PFDN1: variants seen among roughly 807,000 people sequenced by gnomAD.
The protein encoded by PFDN1 is prefoldin 1.
A neutral mutation model predicts 17.3 loss-of-function variants in PFDN1; 6 were observed. That is an observed-to-expected ratio of 0.35 (90% CI 0.19 to 0.69). The LOEUF is 0.69. Among genes scored for constraint, PFDN1 ranks in the 30% least tolerant of loss-of-function variants. The pLI is 0.65. For missense variants in PFDN1, 113 were observed against 146.2 expected, an observed-to-expected ratio of 0.77 and a Z score of 1.17; for synonymous variants, 58 against 50.1, an observed-to-expected ratio of 1.16 and a Z score of -0.67.
At chr5:140,263,335 T>G (rs1157293128) in intron 3 of PFDN1, among the ~76,000 whole-genome samples, 1 of 152,216 alleles carries the variant, frequency 6.6e-6, no homozygotes, top group African/African-American at 2.4e-5. Flanking sequence ...TCTATCTGTA[T>G]GCCTAAATCT....
intron 3 of PFDN1, among the ~76,000 whole-genome samples, chr5:140,273,244 C>CAA (rs1204221243): frequency 2.4e-4 from 16 of 67,230 alleles, no homozygotes; most frequent in Admixed American, 6.7e-4. Context: ...GACTCCATCT[C>CAA]AAAAAAAAAA....
Position 140,246,044 on chromosome 5 carries a change from T to A in PFDN1, c.299A>T (p.Tyr100Phe), listed in dbSNP as rs1489951435. 6.4e-7 allele frequency: 1 copy of A among 1,558,016 alleles called. No homozygotes were observed. The highest frequency in any genetic ancestry group is 1.4e-5 in the African/African-American group (1 of 73,596). ...AGCTTCCTTAACGCTTCGCTCCAGG[T>A]AGGACTTTTTCTGCTGCAATATGAG... Reference protein sequence around the residue: ...KIKELEQKKSYLERSVKEAED... With the variant: ...KIKELEQKKSFLERSVKEAED... Residue 100 changes from tyrosine to phenylalanine, a missense_variant, in exon 4 of 4, where the codon TAC (tyrosine) becomes TTC (phenylalanine). Physicochemically the swap from Tyr to Phe is conservative, Grantham distance 22. Transcript: ENST00000261813.
At chr5:140,279,585 T>TC (rs920549685) in intron 3 of PFDN1, among the ~76,000 whole-genome samples, 1 of 151,860 alleles carries the variant, frequency 6.6e-6, no homozygotes. Context: ...CGCTTCAGCC[T>TC]CCCGTAGCTG....
intron 2 of PFDN1, among the ~76,000 whole-genome samples, chr5:140,297,855 T>C (rs1581100074): frequency 6.6e-6 from 1 of 152,012 alleles, no homozygotes; most frequent in East Asian, 1.9e-4. Flanking sequence ...CCAAAGGGAG[T>C]AAAACGTTTT....
At chr5:140,301,538 A>G (rs1291765455) in intron 1 of PFDN1, among the ~76,000 whole-genome samples, 2 of 152,194 alleles carry the variant, frequency 1.3e-5, no homozygotes, top group African/African-American at 4.8e-5. Context: ...TAAGGTTTTG[A>G]AAGATTTACT....
chr5:140,263,214 G>C (rs950825647), intron 3 of PFDN1, among the ~76,000 whole-genome samples: 1 of 152,222 alleles, frequency 6.6e-6, no homozygotes, highest in Non-Finnish European at 1.5e-5. Context: ...TCTGCCAGAA[G>C]CTGCTTGCTT....
chr5:140,246,631 A>G (rs1450713903), intron 3 of PFDN1, among the ~76,000 whole-genome samples: 3 of 152,206 alleles, frequency 2.0e-5, no homozygotes, highest in Non-Finnish European at 4.4e-5. Context: ...TGGGACACTA[A>G]AACACTGAGG....
rs1365983057 is a variant in PFDN1, at chr5:140,281,527, A to T, written c.207T>A (p.Ile69=). The T allele has an allele frequency of 1.9e-6, 3 of 1,558,590 alleles. No individual in the cohort carries two copies. Among genetic ancestry groups the T allele is most frequent in the Non-Finnish European group, 2.7e-6 (3 of 1,130,738 alleles). ...TGTGAATTGCTTCCTTGGACTGAAG[A>T]ATAAACCTATGAAACACAAGAAAGT... ...NMYEGVGRMF[I]LQSKEAIHSQ... is the part of the protein sequence containing the mutation. Residue 69 remains isoleucine, a synonymous_variant, in exon 3 of 4, where the codon ATT becomes ATA. Coordinates refer to ENST00000261813, the MANE Select transcript of PFDN1 (RefSeq NM_002622.5).
chr5:140,290,306 A>G (rs181087111), intron 2 of PFDN1, among the ~76,000 whole-genome samples: 1 of 152,288 alleles, frequency 6.6e-6, no homozygotes, highest in East Asian at 1.9e-4. Context: ...AGACTTCTGG[A>G]AAGGTGCTCC....
chr5:140,299,424 AC>A (rs1291281936), intron 2 of PFDN1, among the ~76,000 whole-genome samples: 2 of 151,900 alleles, frequency 1.3e-5, no homozygotes, highest in Non-Finnish European at 2.9e-5. Context: ...ACACGGTAAA[AC>A]CCCATTTCTA....
intron 3 of PFDN1, among the ~76,000 whole-genome samples, chr5:140,249,686 C>G (rs1437955777): frequency 6.6e-6 from 1 of 152,204 alleles, no homozygotes; most frequent in Non-Finnish European, 1.5e-5. Flanking sequence ...GGGTTTCTGG[C>G]TGCTTGCATT....
At position 140,272,447 on chromosome 5, in the gene PFDN1, A is replaced by T. The variant is rs1487555707; in HGVS notation, c.285+9002T>A. On this transcript the variant is annotated intron_variant, in intron 3 of 3. Transcript: ENST00000261813. ...ATGATCTCGGCTCACTGCAACCTCCACCTCCCGGGTTCAAGCAATTCTCGG... is the reference window on the plus strand; with the variant it reads ...ATGATCTCGGCTCACTGCAACCTCCTCCTCCCGGGTTCAAGCAATTCTCGG... Among the ~76,000 whole-genome samples, 3 of 138,960 alleles carry T rather than the reference A, an allele frequency of 2.2e-5. No homozygotes were observed. In the East Asian group the frequency reaches 6.2e-4, roughly 29 times the overall value. 91.2% of individuals were successfully genotyped at this position (138,960 alleles called of 152,430 possible).
chr5:140,246,059 T>G lies in PFDN1; in HGVS notation c.286-2A>C. ...TCGCTCCAGGTAGGACTTTTTCTGC[T>G]GCAATATGAGAGACAGACAAAGGTT... On this transcript the variant is annotated splice_acceptor_variant, in intron 3 of 3. Coordinates refer to ENST00000261813, the MANE Select transcript of PFDN1 (RefSeq NM_002622.5). LOFTEE classifies it high-confidence loss of function. 6.5e-7 allele frequency: 1 copy of G among 1,543,790 alleles called. No homozygotes were observed. The highest frequency in any genetic ancestry group is 8.8e-7 in the Non-Finnish European group (1 of 1,137,566).
intron 2 of PFDN1, among the ~76,000 whole-genome samples, chr5:140,293,901 G>T (rs1191563596): frequency 6.6e-6 from 1 of 152,026 alleles, no homozygotes; most frequent in Non-Finnish European, 1.5e-5. Context: ...AACAGGAAAA[G>T]ATGTTGTTGT....
intron 2 of PFDN1, among the ~76,000 whole-genome samples, chr5:140,294,432 A>C (rs184673492): frequency 3.3e-4 from 50 of 152,182 alleles, no homozygotes; most frequent in Admixed American, 7.2e-4. Context: ...TAGCTACATG[A>C]AATTGTAAAA....
At chr5:140,300,713 AG>A in intron 1 of PFDN1, 131 bp from the exon 2 acceptor site, 1 of 607,154 alleles carries the variant, frequency 1.6e-6, no homozygotes, top group Admixed American at 3.2e-5. Context: ...CATCAATAAA[AG>A]TCAACATAAC....
Position 140,276,697 on chromosome 5 carries a change from T to A in PFDN1, c.285+4752A>T, listed in dbSNP as rs140987928. On this transcript the variant is annotated intron_variant, in intron 3 of 3. Coordinates refer to ENST00000261813, the MANE Select transcript of PFDN1 (RefSeq NM_002622.5). ...ATCTCCTGCTGAGGCAGGAGAATTG[T>A]TCCAACCCAGGAGGCAGAGGTTGCT... 6.7e-3 allele frequency among the ~76,000 whole-genome samples: 965 copies of A among 143,702 alleles called. 7 individuals are homozygous for A. The highest frequency in any genetic ancestry group is 0.023 in the African/African-American group (897 of 38,354). The allele number at this position is 143,702 out of a possible 152,430, so 94.3% of individuals were successfully genotyped here.
chr5:140,248,138 G>C (rs149589753), intron 3 of PFDN1, among the ~76,000 whole-genome samples: 1 of 147,924 alleles, frequency 6.8e-6, no homozygotes. Flanking sequence ...GCGCCATCTC[G>C]GCTCACTGCA....
intron 3 of PFDN1, among the ~76,000 whole-genome samples, chr5:140,250,832 G>C (rs1231275211): frequency 6.6e-6 from 1 of 152,178 alleles, no homozygotes; most frequent in Non-Finnish European, 1.5e-5. Flanking sequence ...CCCTGCCCCT[G>C]GATATACACA....
Sources: gnomAD v4.1 joint callset for allele counts (sites outside exome capture counted in the v4.1 genomes callset) on GRCh38, gnomAD v4.1.1 for gene constraint, MANE v1.5 for transcripts, NCBI Gene and HGNC (gene_info 2026-07-23, HGNC 2026-07-21) for gene names.